SUSD6: variants seen among roughly 807,000 people sequenced by gnomAD.
SUSD6 encodes sushi domain-containing protein 6.
In SUSD6, 16 loss-of-function variants were observed where a neutral mutation model predicts 28.4. That is an observed-to-expected ratio of 0.56 (90% CI 0.38 to 0.86). The LOEUF is 0.86. Among genes scored for constraint, SUSD6 ranks in the 40% least tolerant of loss-of-function variants. The probability of loss-of-function intolerance (pLI) is 0.00; values close to 1 mark genes in which losing one functional copy is unlikely to be tolerated. For missense variants in SUSD6, 341 were observed against 384.2 expected, an observed-to-expected ratio of 0.89 and a Z score of 0.94; for synonymous variants, 147 against 159.6, an observed-to-expected ratio of 0.92 and a Z score of 0.59.
intron 2 of SUSD6, among the ~76,000 whole-genome samples, chr14:69,689,702 T>A (rs2139636154): frequency 6.6e-6 from 1 of 152,360 alleles, no homozygotes; most frequent in South Asian, 2.1e-4. Context: ...GGAGTCTCGC[T>A]CTCACCAGGC....
At chr14:69,703,371 C>A in intron 2 of SUSD6, 24 bp from the exon 3 acceptor site, 1 of 1,599,008 alleles carries the variant, frequency 6.3e-7, no homozygotes, top group Non-Finnish European at 8.6e-7. Flanking sequence ...CCACTGTACC[C>A]CTGCTCTCTC....
intron 4 of SUSD6, among the ~76,000 whole-genome samples, chr14:69,704,945 A>G (rs182527759): frequency 1.3e-5 from 2 of 152,250 alleles, no homozygotes; most frequent in Non-Finnish European, 2.9e-5. Context: ...CTTAATCCTC[A>G]TAGGAACATT....
chr14:69,664,742 C>G (rs1380153823), intron 2 of SUSD6, among the ~76,000 whole-genome samples: 1 of 152,214 alleles, frequency 6.6e-6, no homozygotes, highest in East Asian at 1.9e-4. Context: ...TCATTAAACA[C>G]AGATTCCATC....
intron 1 of SUSD6, among the ~76,000 whole-genome samples, chr14:69,612,966 A>C (rs1884903562): frequency 6.6e-6 from 1 of 152,154 alleles, no homozygotes. Flanking sequence ...TCCACACCCA[A>C]ACTGTCACCA....
Position 69,703,433 on chromosome 14 carries a change from A to G in SUSD6, c.160A>G (p.Ile54Val). 1 of 1,614,108 alleles carries G rather than the reference A, an allele frequency of 6.2e-7. No homozygotes were observed. The highest frequency in any genetic ancestry group is 8.5e-7 in the Non-Finnish European group (1 of 1,179,990). The part of the protein sequence containing the change: ...LPPEPENGGY[I>V]CHPRPCRDPL... ...ACCGGAGCCAGAGAATGGTGGCTAC[A>G]TCTGCCACCCCCGGCCCTGCAGAGA... Residue 54 changes from isoleucine (I) to valine (V), a missense_variant, in exon 3 of 6, where the codon ATC (isoleucine) becomes GTC (valine). Ile to Val is a conservative substitution (Grantham distance 29). Coordinates refer to ENST00000342745, the MANE Select transcript of SUSD6 (RefSeq NM_014734.4).
In SUSD6 at chr14:69,670,961, G is replaced by C. The variant is rs191315123; in HGVS notation, c.121+12248G>C. ...TGAAGAAGTGTTCTCTTTCACTCTG[G>C]TGGAGTATGTTCAGTAGCTGTAGTT... On this transcript the variant is annotated intron_variant, in intron 2 of 5. Coordinates refer to ENST00000342745, the MANE Select transcript of SUSD6 (RefSeq NM_014734.4). Among the ~76,000 whole-genome samples the C allele has an allele frequency of 2.6e-5, 4 of 152,352 alleles. No homozygotes were observed. The East Asian group carries it at 7.7e-4, about 29-fold the overall frequency.
In SUSD6 at chr14:69,703,435, C is replaced by G. The variant is rs761545353; in HGVS notation, c.162C>G (p.Ile54Met). 1.9e-6 allele frequency: 3 copies of G among 1,614,152 alleles called. No individual in the cohort carries two copies. The highest frequency in any genetic ancestry group is 3.3e-5 in the Admixed American group (2 of 60,026). Residue 54 changes from isoleucine to methionine, a missense_variant, in exon 3 of 6, where the codon ATC (isoleucine) becomes ATG (methionine). By Grantham distance (10) the Ile-to-Met change is conservative (BLOSUM62 1). Coordinates refer to ENST00000342745, the MANE Select transcript of SUSD6 (RefSeq NM_014734.4). ...CGGAGCCAGAGAATGGTGGCTACAT[C>G]TGCCACCCCCGGCCCTGCAGAGACC... ...LPPEPENGGYICHPRPCRDPL... is the reference protein window; with the variant it reads ...LPPEPENGGYMCHPRPCRDPL...
chr14:69,634,919 A>G (rs1885242320), intron 1 of SUSD6, among the ~76,000 whole-genome samples: 1 of 152,186 alleles, frequency 6.6e-6, no homozygotes. Flanking sequence ...AAGCCAGGCC[A>G]CCTTTTTCAG....
rs1020564764 is a variant in SUSD6 at position 69,694,685 on chromosome 14, T to C, written c.122-8710T>C. Among the ~76,000 whole-genome samples the C allele has an allele frequency of 1.3e-5, 2 of 152,162 alleles. 1 individual carries two copies. Among genetic ancestry groups the C allele is most frequent in the African/African-American group, 4.8e-5 (2 of 41,428 alleles). ...TTTATTGAACGCTGTGCCTCAAACA[T>C]GAAAACTCCAGGTGACAGGAGTTTT... On this transcript the variant is annotated intron_variant, in intron 2 of 5. Transcript: ENST00000342745.
At chr14:69,655,361 C>T (rs1885566388) in intron 1 of SUSD6, among the ~76,000 whole-genome samples, 1 of 152,146 alleles carries the variant, frequency 6.6e-6, no homozygotes, top group Admixed American at 6.5e-5. Flanking sequence ...TTTGCCTTTA[C>T]AAACAATACA....
chr14:69,626,335 C>T (rs1438790192), intron 1 of SUSD6, among the ~76,000 whole-genome samples: 2 of 151,770 alleles, frequency 1.3e-5, no homozygotes, highest in East Asian at 3.9e-4. Flanking sequence ...GCACAGGGGT[C>T]ATGAAATACT....
At chr14:69,642,986 G>GT (rs1273555266) in intron 1 of SUSD6, among the ~76,000 whole-genome samples, 5 of 152,058 alleles carry the variant, frequency 3.3e-5, no homozygotes, top group Admixed American at 6.5e-5. Context: ...TTCCAACTCT[G>GT]TTTTTTCAAC....
At chr14:69,629,332 G>A (rs1885160920) in intron 1 of SUSD6, among the ~76,000 whole-genome samples, 1 of 152,170 alleles carries the variant, frequency 6.6e-6, no homozygotes, top group African/African-American at 2.4e-5. Flanking sequence ...TATTTAGGTA[G>A]ATGGCCGTTG....
intron 2 of SUSD6, among the ~76,000 whole-genome samples, chr14:69,686,001 C>T (rs761584138): frequency 2.0e-5 from 3 of 152,066 alleles, no homozygotes; most frequent in East Asian, 1.9e-4. Context: ...TGTGCTGCAG[C>T]GGTAACTTGC....
At chr14:69,647,702 G>C (rs1885448149) in intron 1 of SUSD6, among the ~76,000 whole-genome samples, 1 of 151,908 alleles carries the variant, frequency 6.6e-6, no homozygotes, top group African/African-American at 2.4e-5. Context: ...ATCAGGATTT[G>C]GGCTGGGTAC....
At chr14:69,676,145 G>C (rs574417510) in intron 2 of SUSD6, among the ~76,000 whole-genome samples, 1 of 152,138 alleles carries the variant, frequency 6.6e-6, no homozygotes, top group Non-Finnish European at 1.5e-5. Context: ...AGAAAGAAGA[G>C]AATTAACCCT....
At chr14:69,691,314 A>G (rs1021154274) in intron 2 of SUSD6, among the ~76,000 whole-genome samples, 14 of 152,140 alleles carry the variant, frequency 9.2e-5, no homozygotes, top group African/African-American at 1.9e-4. Context: ...TCGTGCCACT[A>G]GACACCAGCC....
chr14:69,680,953 C>T (rs1885989201), intron 2 of SUSD6, among the ~76,000 whole-genome samples: 1 of 152,332 alleles, frequency 6.6e-6, no homozygotes, highest in Non-Finnish European at 1.5e-5. Flanking sequence ...TGATACATCT[C>T]CATCCCTTCC....
At position 69,712,763 on chromosome 14, in the gene SUSD6, C is replaced by T. The variant is rs1201759336; in HGVS notation, c.*1784C>T. 1 of 152,562 alleles carries T rather than the reference C, an allele frequency of 6.6e-6. No individual in the cohort carries two copies. The highest frequency in any genetic ancestry group is 1.5e-5 in the Non-Finnish European group (1 of 68,342). The allele number at this position is 152,562 out of a possible 1,614,324, so 9.5% of individuals were successfully genotyped here. On this transcript the variant is annotated 3_prime_UTR_variant, in exon 6 of 6. Coordinates refer to ENST00000342745, the MANE Select transcript of SUSD6 (RefSeq NM_014734.4). ...CTGCCACTTGTAGTCTTCCTTCCTT[C>T]CTCTCAGGGTAAGGGCAGTGCCTGC...
Sources: allele counts gnomAD v4.1 joint callset (sites outside exome capture counted in the v4.1 genomes callset), GRCh38; gene constraint gnomAD v4.1.1; transcripts MANE v1.5; gene names NCBI Gene and HGNC (gene_info 2026-07-23, HGNC 2026-07-21).